The following TACC2 variants were observed in gnomAD, a reference collection of about 807,000 sequenced individuals.
TACC2 encodes transforming acidic coiled-coil containing protein 2.
TACC2 carries 137 observed loss-of-function variants against 227.3 expected under a neutral mutation model. The ratio of observed to expected loss-of-function variants is 0.60; its 90% CI spans 0.52 to 0.69. The LOEUF (loss-of-function observed/expected upper bound fraction) is 0.69. TACC2 is among the 30% of genes least tolerant of loss of function. The pLI is 0.00. For synonymous variants in TACC2, 1,523 were observed against 1,487.5 expected (o/e 1.02, Z -0.55); for missense variants, 3,470 against 3,694.4 (o/e 0.94, Z 1.57).
At chr10:122,055,452 C>T (rs117543753) in intron 3 of TACC2, among the ~76,000 whole-genome samples, 2 of 152,230 alleles carry the variant, frequency 1.3e-5, no homozygotes, top group Non-Finnish European at 2.9e-5. Context: ...GGTAAACTAA[C>T]ACAGGAACAG....
chr10:122,033,241 C>T (rs1281458648), intron 2 of TACC2: 9 of 891,264 alleles, frequency 1.0e-5, no homozygotes, highest in African/African-American at 1.7e-5. Flanking sequence ...GTGTCATGTG[C>T]ATTTATATAT....
At chr10:122,218,762 C>T (rs2095463228) in intron 11 of TACC2, among the ~76,000 whole-genome samples, 1 of 152,014 alleles carries the variant, frequency 6.6e-6, no homozygotes, top group Non-Finnish European at 1.5e-5. Flanking sequence ...ACCTGTAATC[C>T]CAGCATTTTG....
chr10:122,012,268 A>C (rs1373735303), intron 1 of TACC2, among the ~76,000 whole-genome samples: 1 of 151,864 alleles, frequency 6.6e-6, no homozygotes, highest in Non-Finnish European at 1.5e-5. Context: ...AAAAATACAA[A>C]AATTAGCTGG....
intron 7 of TACC2, among the ~76,000 whole-genome samples, chr10:122,182,811 A>T (rs1007440585): frequency 2.6e-5 from 4 of 152,174 alleles, no homozygotes; most frequent in Non-Finnish European, 5.9e-5. Flanking sequence ...AGGTAGATAT[A>T]CAAGAGGCGG....
chr10:122,152,797 CAG>C (rs1472240928), intron 7 of TACC2, among the ~76,000 whole-genome samples: 1 of 152,128 alleles, frequency 6.6e-6, no homozygotes, highest in Non-Finnish European at 1.5e-5. Flanking sequence ...TGGCAGGACT[CAG>C]GGTGGGAACT....
intron 1 of TACC2, among the ~76,000 whole-genome samples, chr10:122,017,177 G>C (rs926085802): frequency 9.9e-5 from 15 of 152,182 alleles, no homozygotes; most frequent in Non-Finnish European, 2.9e-5. Flanking sequence ...CGCTCTCACA[G>C]AAGCCCCAAT....
Position 122,087,722 on chromosome 10 carries a change from T to G in TACC2, c.5222T>G (p.Val1741Gly). 1 of 1,612,026 alleles carries G rather than the reference T, an allele frequency of 6.2e-7. No individual in the cohort carries two copies. The highest frequency in any genetic ancestry group is 8.5e-7 in the Non-Finnish European group (1 of 1,179,568). ...TTCTCCGTTGTGGCAGGTGACTTGGTGCTGCCAGGAAGCTGTCAGGACCCA... is the reference window on the plus strand; with the variant it reads ...TTCTCCGTTGTGGCAGGTGACTTGGGGCTGCCAGGAAGCTGTCAGGACCCA... ...RTFSVVAGDL[V>G]LPGSCQDPAC... The change falls in exon 4 of 23, where the codon GTG (valine) becomes GGG (glycine). Residue 1741 changes from valine to glycine, a missense_variant. Physicochemically the swap from Val to Gly is moderately radical, Grantham distance 109. This residue lies in a region of TACC2 where 1,924 missense variants were observed against 1,978.3 expected (regional missense o/e 0.97). Coordinates refer to ENST00000369005, the MANE Select transcript of TACC2 (RefSeq NM_206862.4).
intron 3 of TACC2, among the ~76,000 whole-genome samples, chr10:122,064,803 G>A (rs1376329103): frequency 6.6e-6 from 1 of 152,044 alleles, no homozygotes; most frequent in Non-Finnish European, 1.5e-5. Context: ...CTATAGTTTT[G>A]TTCTAATTCC....
chr10:122,081,523 G>A (rs1435262392), intron 3 of TACC2, among the ~76,000 whole-genome samples: 82 of 91,560 alleles, frequency 9.0e-4, no homozygotes, highest in Non-Finnish European at 7.5e-4. Flanking sequence ...GTGAGACTCC[G>A]TCTCAAAAAA....
intron 8 of TACC2, among the ~76,000 whole-genome samples, chr10:122,201,793 T>G (rs1238974138): frequency 6.6e-6 from 1 of 152,062 alleles, no homozygotes; most frequent in Non-Finnish European, 1.5e-5. Flanking sequence ...CAGATGACAT[T>G]TGATAATAAT....
At chr10:122,002,807 C>T (rs1380027070) in intron 1 of TACC2, among the ~76,000 whole-genome samples, 1 of 152,206 alleles carries the variant, frequency 6.6e-6, no homozygotes. Context: ...TCTTCCGTTA[C>T]AATGGTTATT....
rs552307080 is a variant in TACC2, at chr10:122,010,140, C to A, written c.-45-11797C>A. ...CTCTTTGCCTCTGGTGTAGTTGGCA[C>A]CGACACTATCCCTTTCTCAAAATCT... On this transcript the variant is annotated intron_variant, in intron 1 of 22. Transcript: ENST00000369005. Among the ~76,000 whole-genome samples the A allele has an allele frequency of 3.3e-5, 5 of 152,190 alleles. No homozygotes were observed. In the South Asian group the frequency reaches 1.0e-3, roughly 32 times the overall value.
intron 1 of TACC2, among the ~76,000 whole-genome samples, chr10:122,020,847 A>G (rs1287265686): frequency 1.3e-5 from 2 of 152,160 alleles, no homozygotes; most frequent in South Asian, 2.1e-4. Flanking sequence ...AGGCCTGAAT[A>G]TGTTACAGCG....
At chr10:122,192,650 T>C (rs1247597059) in intron 7 of TACC2, 4 of 455,354 alleles carry the variant, frequency 8.8e-6, no homozygotes, top group Non-Finnish European at 1.8e-5. Context: ...GGTGGGAATT[T>C]GGGGGACAGA....
At chr10:122,208,746 T>C (rs747823487) in intron 8 of TACC2, among the ~76,000 whole-genome samples, 7 of 152,084 alleles carry the variant, frequency 4.6e-5, no homozygotes, top group Non-Finnish European at 7.4e-5. Context: ...GGACTGGGGG[T>C]ACATAACACC....
intron 5 of TACC2, among the ~76,000 whole-genome samples, chr10:122,088,961 A>T (rs1027320440): frequency 6.6e-6 from 1 of 152,166 alleles, no homozygotes; most frequent in African/African-American, 2.4e-5. Flanking sequence ...GAAAAAATAC[A>T]AAGATTAGCC....
chr10:122,208,880 C>T (rs1243892949), intron 8 of TACC2, among the ~76,000 whole-genome samples: 1 of 152,198 alleles, frequency 6.6e-6, no homozygotes, highest in Non-Finnish European at 1.5e-5. Flanking sequence ...GCCCTCTTGT[C>T]CAATGACACA....
At chr10:122,163,909 C>A (rs1292994575) in intron 7 of TACC2, 2 of 1,564,474 alleles carry the variant, frequency 1.3e-6, no homozygotes, top group South Asian at 2.4e-5. Context: ...AGCTTGCACG[C>A]CAGGGCACAG....
chr10:122,013,176 T>C (rs1008592553), intron 1 of TACC2, among the ~76,000 whole-genome samples: 4 of 152,118 alleles, frequency 2.6e-5, no homozygotes, highest in Non-Finnish European at 4.4e-5. Flanking sequence ...TTCCCAGCCC[T>C]GATATTCTAC....
Sources: gnomAD v4.1 joint callset for allele counts (sites outside exome capture counted in the v4.1 genomes callset) on GRCh38, gnomAD v4.1.1 for gene constraint, gnomAD v4.1.1 regional missense constraint, MANE v1.5 for transcripts, NCBI Gene and HGNC (gene_info 2026-07-23, HGNC 2026-07-21) for gene names.